The following NAIP variants were observed in gnomAD, a reference collection of about 807,000 sequenced individuals.
The protein encoded by NAIP is NLR family apoptosis inhibitory protein.
NAIP carries 15 observed loss-of-function variants against 23.0 expected under a neutral mutation model. The observed-to-expected ratio is 0.65, with a 90% CI of 0.44 to 1.00. The LOEUF is 1.00. Among genes scored for constraint, NAIP ranks in the 50% least tolerant of loss-of-function variants. The pLI is 0.00. For missense variants in NAIP, 265 were observed against 278.8 expected (o/e 0.95, Z 0.35); for synonymous variants, 100 against 100.2 (o/e 1.00, Z 0.01).
rs1409112500 is a variant in NAIP, at chr5:71,012,760, G to A, written c.156C>T (p.Gly52=). Residue 52 remains glycine (G), a synonymous_variant, in exon 4 of 17, where the codon GGC becomes GGT. Transcript: ENST00000517649. The part of the protein sequence containing the change: ...EQKERAKMQK[G]YNSQMRSEAK... Reference sequence around the variant, plus strand: ...CTTCACTGCGCATTTGAGAGTTGTAGCCTTTCTGCATTTTTGCTCGCTCCT... The same window carrying A: ...CTTCACTGCGCATTTGAGAGTTGTAACCTTTCTGCATTTTTGCTCGCTCCT... 1 of 1,611,758 alleles carries A rather than the reference G, an allele frequency of 6.2e-7. No individual in the cohort carries two copies. Among genetic ancestry groups the A allele is most frequent in the Non-Finnish European group, 8.5e-7 (1 of 1,178,476 alleles).
intron 5 of NAIP, among the ~76,000 whole-genome samples, chr5:71,008,718 C>T (rs1454980803): frequency 3.0e-5 from 2 of 67,624 alleles, no homozygotes; most frequent in Admixed American, 3.5e-4. Flanking sequence ...GCAGGAGAAT[C>T]GCTTGAACCC....
intron 8 of NAIP, among the ~76,000 whole-genome samples, chr5:71,000,925 A>G (rs1244769083): frequency 1.5e-4 from 1 of 6,838 alleles, no homozygotes; most frequent in East Asian, 3.8e-3. Context: ...GCACTTTGTC[A>G]GGGGACAAGA....
At chr5:71,013,183 G>T (rs1751251518) in intron 3 of NAIP, among the ~76,000 whole-genome samples, 1 of 151,510 alleles carries the variant, frequency 6.6e-6, no homozygotes, top group Non-Finnish European at 1.5e-5. Context: ...CTCCATTCAT[G>T]AAGCTTTCCA....
In NAIP at chr5:71,014,308, G is replaced by T. The variant is rs1023099224; in HGVS notation, c.-3-1390C>A. 4.6e-5 allele frequency among the ~76,000 whole-genome samples: 7 copies of T among 151,250 alleles called. 1 individual carries two copies. The highest frequency in any genetic ancestry group is 4.2e-4 in the South Asian group (2 of 4,796). On this transcript the variant is annotated intron_variant, in intron 3 of 16. Transcript: ENST00000517649. ...ACACAAGGTTTTGCCATGTTGGCCA[G>T]CTTGGTCTCCAACTCCTGACCTCAA...
Position 71,012,761 on chromosome 5 carries a change from C to T in NAIP, c.155G>A (p.Gly52Asp). 5 of 1,611,920 alleles carry T rather than the reference C, an allele frequency of 3.1e-6. 1 individual carries two copies. The highest frequency in any genetic ancestry group is 3.4e-6 in the Non-Finnish European group (4 of 1,178,526). Residue 52 changes from glycine (G) to aspartate (D), a missense_variant, in exon 4 of 17, where the codon GGC becomes GAC. By Grantham distance (94) the Gly-to-Asp change is moderately conservative. Coordinates refer to ENST00000517649, the MANE Select transcript of NAIP (RefSeq NM_004536.3). ...TTCACTGCGCATTTGAGAGTTGTAG[C>T]CTTTCTGCATTTTTGCTCGCTCCTT... ...EQKERAKMQK[G>D]YNSQMRSEAK...
chr5:71,012,311 C>G, intron 4 of NAIP, 37 bp downstream of exon 4: 1 of 1,522,730 alleles, frequency 6.6e-7, no homozygotes, highest in Non-Finnish European at 8.9e-7. Context: ...AAACTTAAAA[C>G]GCCAGAGAAA....
chr5:71,008,313 G>A (rs1363421046), intron 5 of NAIP, among the ~76,000 whole-genome samples: 837 of 118,320 alleles, frequency 7.1e-3, no homozygotes, highest in African/African-American at 0.024. Context: ...CAAATGATCC[G>A]CCTACCTTAG....
At chr5:71,013,360 C>T (rs989194689) in intron 3 of NAIP, among the ~76,000 whole-genome samples, 2 of 150,986 alleles carry the variant, frequency 1.3e-5, no homozygotes, top group South Asian at 2.1e-4. Context: ...GTGCTCTGGC[C>T]GGGCGCGGTG....
intron 5 of NAIP, among the ~76,000 whole-genome samples, chr5:71,008,042 G>C (rs913262091): frequency 3.8e-5 from 5 of 130,344 alleles, no homozygotes; most frequent in African/African-American, 1.4e-4. Context: ...GGGATCACAG[G>C]TGTGAGCCAC....
chr5:71,014,373 G>A (rs1016276667), intron 3 of NAIP, among the ~76,000 whole-genome samples: 7 of 150,914 alleles, frequency 4.6e-5, no homozygotes, highest in East Asian at 2.0e-4. Context: ...TGTCCTTGTC[G>A]CCCAGGCTGA....
intron 9 of NAIP, among the ~76,000 whole-genome samples, chr5:70,997,019 CAG>C (rs1732381855): frequency 5.0e-5 from 3 of 59,932 alleles, no homozygotes. Context: ...TTAGTGGATA[CAG>C]AGTTTTCTTT....
At chr5:71,009,649 C>T (rs1198717073) in intron 5 of NAIP, among the ~76,000 whole-genome samples, 1 of 151,424 alleles carries the variant, frequency 6.6e-6, no homozygotes, top group Non-Finnish European at 1.5e-5. Flanking sequence ...AAGATCGTAC[C>T]ACTGGGCAAC....
intron 13 of NAIP, among the ~76,000 whole-genome samples, chr5:70,977,340 T>TC (rs1425040569): frequency 1.4e-5 from 2 of 147,082 alleles, no homozygotes; most frequent in Non-Finnish European, 2.9e-5. Flanking sequence ...ACCTAATAAC[T>TC]CTAAGTTTGT....
intron 3 of NAIP, among the ~76,000 whole-genome samples, chr5:71,014,396 C>G (rs1751335525): frequency 1.3e-5 from 2 of 151,544 alleles, no homozygotes; most frequent in Non-Finnish European, 2.9e-5. Flanking sequence ...TGCAGTGGCG[C>G]AATCTCAGCT....
At chr5:70,989,312 C>CA (rs1272777445) in intron 9 of NAIP, among the ~76,000 whole-genome samples, 2 of 143,242 alleles carry the variant, frequency 1.4e-5, no homozygotes, top group African/African-American at 5.9e-5. Flanking sequence ...TTTGGGAAGC[C>CA]AAAGTAGGAG....
Position 71,012,508 on chromosome 5 carries a change from G to C in NAIP, c.408C>G (p.Ala136=), listed in dbSNP as rs147988011. The change falls in exon 4 of 17, where the codon GCC becomes GCG. Residue 136 remains alanine, a synonymous_variant. Transcript: ENST00000517649. ...GATTCTTCACCCTTATGTCGTACTTGGCAATGTTACCAACATCCTTGTTCA... is the reference window on the plus strand; with the variant it reads ...GATTCTTCACCCTTATGTCGTACTTCGCAATGTTACCAACATCCTTGTTCA... ...FLLNKDVGNI[A]KYDIRVKNLK... The C allele has an allele frequency of 1.2e-5, 19 of 1,611,620 alleles. 2 individuals carry two copies. The highest frequency in any genetic ancestry group is 1.4e-5 in the Non-Finnish European group (17 of 1,178,434).
At chr5:71,009,282 TG>T (rs1255078128) in intron 5 of NAIP, among the ~76,000 whole-genome samples, 1 of 132,392 alleles carries the variant, frequency 7.6e-6, no homozygotes, top group Non-Finnish European at 1.6e-5. Context: ...GTCTGAGAGG[TG>T]GAGGTTGCAG....
intron 9 of NAIP, among the ~76,000 whole-genome samples, chr5:70,996,288 AAG>A (rs1335181611): frequency 2.0e-5 from 1 of 50,060 alleles, no homozygotes; most frequent in Non-Finnish European, 4.4e-5. Context: ...AAAAAAGAAA[AAG>A]AAAAAAAAAA....
chr5:70,976,890 ATAT>A lies in NAIP; in HGVS notation c.3595+13_3595+15del. 4.0e-6 allele frequency: 1 copy of A among 249,740 alleles called. No individual in the cohort carries two copies. Among genetic ancestry groups the A allele is most frequent in the African/African-American group, 2.4e-4 (1 of 4,200 alleles). The allele number at this position is 249,740 out of a possible 1,614,324, so 15.5% of individuals were successfully genotyped here. A position where few individuals can be genotyped will look rare whatever the true frequency, so the allele number is the denominator to read the frequency against. ...AGAAACATTTTAAACCACCATTGTA[ATAT>A]TATAACTCTTACCAAATGGGACGGC... is the stretch of plus-strand genomic sequence containing the variant. On this transcript the variant is annotated intron_variant, in intron 14 of 16. Transcript: ENST00000517649.
Sources: allele counts gnomAD v4.1 joint callset (sites outside exome capture counted in the v4.1 genomes callset), GRCh38; gene constraint gnomAD v4.1.1; transcripts MANE v1.5; gene names NCBI Gene and HGNC (gene_info 2026-07-23, HGNC 2026-07-21).